The following ZNF669 variants were observed in gnomAD, a reference collection of about 807,000 sequenced individuals.
ZNF669 encodes the protein zinc finger protein 669.
A neutral mutation model predicts 11.4 loss-of-function variants in ZNF669; 7 were observed. The observed-to-expected ratio is 0.62, with a 90% CI of 0.35 to 1.16. The LOEUF (loss-of-function observed/expected upper bound fraction) is 1.16. Among genes scored for constraint, ZNF669 ranks in the 50% most tolerant of loss-of-function variants. The pLI is 0.02. For missense variants in ZNF669, 492 were observed against 463.6 expected, an observed-to-expected ratio of 1.06 and a Z score of -0.56; for synonymous variants, 153 against 155.8, an observed-to-expected ratio of 0.98 and a Z score of 0.13.
chr1:247,101,815 A>G (rs760892649), intron 2 of ZNF669, 24 bp from the exon 3 acceptor site: 12 of 1,612,390 alleles, frequency 7.4e-6, no homozygotes, highest in Non-Finnish European at 9.3e-6. Context: ...CCATAAAATT[A>G]TCATGAATTA....
At chr1:247,101,889 A>C (rs983590304) in intron 2 of ZNF669, 98 bp from the exon 3 acceptor site, 29 of 1,600,346 alleles carry the variant, frequency 1.8e-5, no homozygotes, top group Non-Finnish European at 2.2e-5. Context: ...TGCCTGATTT[A>C]TTCACCAAAT....
chr1:247,100,337 C>G lies in ZNF669; in HGVS notation c.*37G>C, dbSNP rs114386382. ...TCACCATGTTGCCCAGGTTGTTTCA[C>G]ATTGTTTTAATCCAGGCTGGTTATG... On this transcript the variant is annotated 3_prime_UTR_variant, in exon 4 of 4. Coordinates refer to ENST00000448299, the MANE Select transcript of ZNF669 (RefSeq NM_001142572.2). 4.7e-3 allele frequency: 5,941 copies of G among 1,262,674 alleles called. 245 individuals carry two copies. In the African/African-American group the frequency reaches 0.08, roughly 17 times the overall value. The allele number at this position is 1,262,674 out of a possible 1,614,324, so 78.2% of individuals were successfully genotyped here.
chr1:247,100,449 A>G lies in ZNF669; in HGVS notation c.1062T>C (p.His354=), dbSNP rs1465590504. ...AGTCACTACACCCAGCCTCTATATC[A>G]TGACTTCTTTCATGGCGAGTAAGGT... is the stretch of plus-strand genomic sequence containing the variant. ...SSHLTRHERS[H]DIEAGCSDSA... Residue 354 remains histidine, a synonymous_variant, in exon 4 of 4, where the codon CAT becomes CAC. Coordinates refer to ENST00000448299, the MANE Select transcript of ZNF669 (RefSeq NM_001142572.2). 7 of 1,614,074 alleles carry G rather than the reference A, an allele frequency of 4.3e-6. No homozygotes were observed. Among genetic ancestry groups the G allele is most frequent in the South Asian group, 1.1e-5 (1 of 91,088 alleles).
chr1:247,100,268 G>A lies in ZNF669; in HGVS notation c.*106C>T. On this transcript the variant is annotated 3_prime_UTR_variant, in exon 4 of 4. Transcript: ENST00000448299. ...CAAAGTGCTGGGATTACAGGCGTAA[G>A]CCACCGTGCCCGGCATTATTTTATT... 1 of 740,518 alleles carries A rather than the reference G, an allele frequency of 1.4e-6. No homozygotes were observed. The highest frequency in any genetic ancestry group is 2.2e-6 in the Non-Finnish European group (1 of 464,606). 45.9% of individuals were successfully genotyped at this position (740,518 alleles called of 1,614,324 possible). A position where few individuals can be genotyped will look rare whatever the true frequency, so the allele number is the denominator to read the frequency against.
chr1:247,103,647 A>G (rs1383237816), intron 1 of ZNF669, among the ~76,000 whole-genome samples: 1 of 141,524 alleles, frequency 7.1e-6, no homozygotes, highest in African/African-American at 3.1e-5. Flanking sequence ...AAAAAAAAAA[A>G]AAAAAAAAAA....
At position 247,100,142 on chromosome 1, in the gene ZNF669, G is replaced by A. The variant is rs565765215; in HGVS notation, c.*232C>T. 9 of 394,308 alleles carry A rather than the reference G, an allele frequency of 2.3e-5. No individual in the cohort carries two copies. The highest frequency in any genetic ancestry group is 4.3e-5 in the East Asian group (1 of 23,396). 24.4% of individuals were successfully genotyped at this position (394,308 alleles called of 1,614,324 possible). On this transcript the variant is annotated 3_prime_UTR_variant, in exon 4 of 4. Coordinates refer to ENST00000448299, the MANE Select transcript of ZNF669 (RefSeq NM_001142572.2). The stretch of plus-strand genomic sequence containing the variant: ...TGGGACCACAGGCGTCTGCCACCAC[G>A]CCCAGCTAATTTTTTGTATTTTTAG...
chr1:247,101,939 G>A (rs1449584639), intron 2 of ZNF669, 48 bp downstream of exon 2: 3 of 1,613,214 alleles, frequency 1.9e-6, no homozygotes, highest in African/African-American at 1.3e-5. Context: ...TAGCACTGAT[G>A]ATAGGGAAAG....
Position 247,100,890 on chromosome 1 carries a change from A to C in ZNF669, c.621T>G (p.Cys207Trp), listed in dbSNP as rs1168336647. Residue 207 changes from cysteine to tryptophan, a missense_variant, in exon 4 of 4, where the codon TGT becomes TGG. Transcript: ENST00000448299. ...CAGTGTGAGTTCGTTCATGTATTAG[A>C]CAAGAACCGGAAACAGTGAATGCTT... The part of the protein sequence containing the change: ...CGKAFTVSGS[C>W]LIHERTHTGE... 1 of 1,614,144 alleles carries C rather than the reference A, an allele frequency of 6.2e-7. No homozygotes were observed. Among genetic ancestry groups the C allele is most frequent in the Admixed American group, 1.7e-5 (1 of 60,034 alleles).
At chr1:247,101,605 G>A in intron 3 of ZNF669, 126 bp downstream of exon 3, 1 of 985,200 alleles carries the variant, frequency 1.0e-6, no homozygotes, top group Non-Finnish European at 1.5e-6. Flanking sequence ...TACATTTTGG[G>A]TGAAATTTTT....
Position 247,100,286 on chromosome 1 carries a change from A to G in ZNF669, c.*88T>C. On this transcript the variant is annotated 3_prime_UTR_variant, in exon 4 of 4. Coordinates refer to ENST00000448299, the MANE Select transcript of ZNF669 (RefSeq NM_001142572.2). ...GGCGTAAGCCACCGTGCCCGGCATT[A>G]TTTTATTTTTTGTAAAGACAGGGTT... The G allele has an allele frequency of 3.5e-6, 3 of 856,736 alleles. No homozygotes were observed. The highest frequency in any genetic ancestry group is 5.3e-6 in the Non-Finnish European group (3 of 561,402). The allele number at this position is 856,736 out of a possible 1,614,324, so 53.1% of individuals were successfully genotyped here.
rs779097923 is a variant in ZNF669 at position 247,100,985 on chromosome 1, G to A, written c.526C>T (p.Leu176Phe). 2.5e-6 allele frequency: 4 copies of A among 1,613,056 alleles called. No individual in the cohort carries two copies. Among genetic ancestry groups the A allele is most frequent in the Non-Finnish European group, 3.4e-6 (4 of 1,179,806 alleles). ...CTICGKAFYFLNSVERHQRTH... is the reference protein window; with the variant it reads ...CTICGKAFYFFNSVERHQRTH... The stretch of plus-strand genomic sequence containing the variant: ...CTCTGATGTCTTTCAACTGAATTGA[G>A]AAAATAAAAAGCTTTCCCACATATC... Residue 176 changes from leucine to phenylalanine, a missense_variant, in exon 4 of 4, where the codon CTC becomes TTC. Physicochemically the swap from Leu to Phe is conservative, Grantham distance 22 (BLOSUM62 0). Transcript: ENST00000448299.
intron 1 of ZNF669, chr1:247,103,920 C>A: frequency 6.3e-7 from 1 of 1,584,636 alleles, no homozygotes; most frequent in Non-Finnish European, 8.6e-7. Flanking sequence ...GCATCACCCT[C>A]CCGTGGTCAC....
rs200207138 is a variant in ZNF669 at position 247,100,568 on chromosome 1, G to A, written c.943C>T (p.Arg315Cys). The part of the protein sequence containing the change: ...ECKQCDQAFS[R>C]LSSLHLHERI... ...TCGTGGAGGTGAAGGGAACTGAGGC[G>A]ACTGAAGGCTTGATCACATTGTTTA... is the stretch of plus-strand genomic sequence containing the variant. The change falls in exon 4 of 4, where the codon CGC (arginine) becomes TGC (cysteine). Residue 315 changes from arginine to cysteine, a missense_variant. Arg to Cys is a radical substitution (Grantham distance 180). Coordinates refer to ENST00000448299, the MANE Select transcript of ZNF669 (RefSeq NM_001142572.2). 21 of 1,614,046 alleles carry A rather than the reference G, an allele frequency of 1.3e-5. No homozygotes were observed. In the African/African-American group the frequency reaches 1.7e-4, roughly 13 times the overall value.
Position 247,104,253 on chromosome 1 carries a change from G to A in ZNF669, c.-54C>T, listed in dbSNP as rs540616747. 123 of 1,483,920 alleles carry A rather than the reference G, an allele frequency of 8.3e-5. No homozygotes were observed. The Middle Eastern group carries it at 1.1e-3, about 13-fold the overall frequency. 91.9% of individuals were successfully genotyped at this position (1,483,920 alleles called of 1,614,324 possible). A position where few individuals can be genotyped will look rare whatever the true frequency, so the allele number is the denominator to read the frequency against. On this transcript the variant is annotated 5_prime_UTR_variant, in exon 1 of 4. Coordinates refer to ENST00000448299, the MANE Select transcript of ZNF669 (RefSeq NM_001142572.2). ...AGCTAGGGATGTCCCAATACTCGCA[G>A]GTCACAGGGTGGCAGAGGCTGCTGC...
rs763714116 is a variant in ZNF669, at chr1:247,100,651, C to G, written c.860G>C (p.Arg287Pro). The part of the protein sequence containing the change: ...ECKQCGKAFS[R>P]LSSLCNHRST... ...TCTATGGTTACAAAGGGAACTCAAACGACTAAAGGCTTTGCCACATTGTTT... is the reference window on the plus strand; with the variant it reads ...TCTATGGTTACAAAGGGAACTCAAAGGACTAAAGGCTTTGCCACATTGTTT... The change falls in exon 4 of 4, where the codon CGT becomes CCT. Residue 287 changes from arginine to proline, a missense_variant. Transcript: ENST00000448299. 5.6e-6 allele frequency: 9 copies of G among 1,613,960 alleles called. No individual in the cohort carries two copies. The highest frequency in any genetic ancestry group is 7.6e-6 in the Non-Finnish European group (9 of 1,179,868).
intron 1 of ZNF669, 138 bp downstream of exon 1, chr1:247,104,059 G>T: frequency 6.3e-7 from 1 of 1,581,896 alleles, no homozygotes; most frequent in East Asian, 2.3e-5. Context: ...CTGAACAGAA[G>T]AGGACTGAGC....
rs768754649 is a variant in ZNF669 at position 247,100,613 on chromosome 1, C to T, written c.898G>A (p.Gly300Arg). The T allele has an allele frequency of 6.6e-5, 106 of 1,614,038 alleles. No individual in the cohort carries two copies. In the East Asian group the frequency reaches 1.8e-3, roughly 28 times the overall value. ...SLCNHRSTHT[G>R]EKPYECKQCD... ...TGTTTACATTCATAGGGTTTCTCTC[C>T]GGTATGAGTACTTCTATGGTTACAA... is the stretch of plus-strand genomic sequence containing the variant. Residue 300 changes from glycine (G) to arginine (R), a missense_variant, in exon 4 of 4, where the codon GGA (glycine) becomes AGA (arginine). Coordinates refer to ENST00000448299, the MANE Select transcript of ZNF669 (RefSeq NM_001142572.2).
At chr1:247,104,064 C>T (rs1671789855) in intron 1 of ZNF669, 133 bp downstream of exon 1, 3 of 1,582,844 alleles carry the variant, frequency 1.9e-6, no homozygotes, top group Non-Finnish European at 1.7e-6. Context: ...CAGAAGAGGA[C>T]TGAGCCCCGG....
chr1:247,100,950 T>C lies in ZNF669; in HGVS notation c.561A>G (p.Thr187=), dbSNP rs1572038824. ...NSVERHQRTH[T]GEKPYKCKQC... ...GTTTACATTTATAGGGTTTTTCTCC[T>C]GTGTGAGTTCTCTGATGTCTTTCAA... is the stretch of plus-strand genomic sequence containing the variant. Residue 187 remains threonine, a synonymous_variant, in exon 4 of 4, where the codon ACA becomes ACG. Coordinates refer to ENST00000448299, the MANE Select transcript of ZNF669 (RefSeq NM_001142572.2). The C allele has an allele frequency of 6.2e-7, 1 of 1,613,322 alleles. No homozygotes were observed. The highest frequency in any genetic ancestry group is 1.3e-5 in the African/African-American group (1 of 74,894).
Sources: gnomAD v4.1 joint callset for allele counts (sites outside exome capture counted in the v4.1 genomes callset) on GRCh38, gnomAD v4.1.1 for gene constraint, MANE v1.5 for transcripts, NCBI Gene and HGNC (gene_info 2026-07-23, HGNC 2026-07-21) for gene names.